The following CNOT4 variants were observed in gnomAD, a reference collection of about 807,000 sequenced individuals.
The protein encoded by CNOT4 is CCR4-NOT transcription complex subunit 4, also known as CCR4-associated factor 4.
Under a neutral mutation model 73.8 loss-of-function variants are expected in CNOT4, and 8 were observed. The ratio of observed to expected loss-of-function variants is 0.11; its 90% CI spans 0.06 to 0.20. The LOEUF is 0.20. Among genes scored for constraint, CNOT4 ranks in the 10% least tolerant of loss-of-function variants. CNOT4 has a pLI of 1.00. For missense variants in CNOT4, 564 were observed against 883.4 expected, an observed-to-expected ratio of 0.64 and a Z score of 4.58; for synonymous variants, 293 against 321.1, an observed-to-expected ratio of 0.91 and a Z score of 0.94.
Position 135,398,212 on chromosome 7 carries a change from G to T in CNOT4, c.836C>A (p.Pro279His). 6.5e-7 allele frequency: 1 copy of T among 1,538,142 alleles called. No homozygotes were observed. The highest frequency in any genetic ancestry group is 9.0e-7 in the Non-Finnish European group (1 of 1,111,672). Residue 279 changes from proline (P) to histidine (H), a missense_variant, in exon 8 of 12, where the codon CCT becomes CAT. This residue lies in a region of CNOT4 where 135 missense variants were observed against 154.0 expected (regional missense o/e 0.88). Coordinates refer to ENST00000541284, the MANE Select transcript of CNOT4 (RefSeq NM_001190850.2). ...GTTCCCTATACTGAGAGAATCTGAA[G>T]GTTTGTCAATGGGGCTATAAAAAGA... Reference protein sequence around the residue: ...LQRYDTPIDKPSDSLSIGNGD... With the variant: ...LQRYDTPIDKHSDSLSIGNGD...
intron 7 of CNOT4, among the ~76,000 whole-genome samples, chr7:135,406,299 C>T (rs575896518): frequency 1.9e-5 from 2 of 106,436 alleles, no homozygotes; most frequent in East Asian, 7.0e-4. Context: ...ACATCCCCAC[C>T]CCCCACCCTC....
Position 135,398,176 on chromosome 7 carries a change from G to T in CNOT4, c.872C>A (p.Ser291Tyr). 6.5e-7 allele frequency: 1 copy of T among 1,530,968 alleles called. No homozygotes were observed. The highest frequency in any genetic ancestry group is 9.0e-7 in the Non-Finnish European group (1 of 1,105,540). 94.8% of individuals were successfully genotyped at this position (1,530,968 alleles called of 1,614,324 possible). A position where few individuals can be genotyped will look rare whatever the true frequency, so the allele number is the denominator to read the frequency against. ...ACTGTATTCAAATCTTACCTGCTGG[G>T]AATTATCACCGTTCCCTATACTGAG... ...DSLSIGNGDN[S>Y]QQISNSDTPS... Residue 291 changes from serine (S) to tyrosine (Y), a missense_variant, in exon 8 of 12, where the codon TCC becomes TAC. Coordinates refer to ENST00000541284, the MANE Select transcript of CNOT4 (RefSeq NM_001190850.2).
chr7:135,378,010 T>C (rs1337495241), intron 10 of CNOT4, among the ~76,000 whole-genome samples: 1 of 152,236 alleles, frequency 6.6e-6, no homozygotes, highest in African/African-American at 2.4e-5. Flanking sequence ...ACTCTGAATT[T>C]TAGTCATATT....
chr7:135,439,985 A>G (rs1799376292), intron 1 of CNOT4, among the ~76,000 whole-genome samples: 1 of 151,966 alleles, frequency 6.6e-6, no homozygotes, highest in Admixed American at 6.6e-5. Context: ...TTGAAGTGTT[A>G]AAGAAAAAAA....
intron 1 of CNOT4, among the ~76,000 whole-genome samples, chr7:135,464,731 A>C (rs146823485): frequency 6.6e-6 from 1 of 152,120 alleles, no homozygotes; most frequent in East Asian, 1.9e-4. Context: ...ACATTCTATA[A>C]TACTATTAAA....
At chr7:135,464,743 T>C (rs1801114233) in intron 1 of CNOT4, among the ~76,000 whole-genome samples, 1 of 151,798 alleles carries the variant, frequency 6.6e-6, no homozygotes, top group South Asian at 2.1e-4. Flanking sequence ...ACTATTAAAT[T>C]TTAAAATAAA....
chr7:135,504,496 A>ATTTTTT (rs1309119708), intron 1 of CNOT4, among the ~76,000 whole-genome samples: 2 of 54,418 alleles, frequency 3.7e-5, no homozygotes, highest in South Asian at 5.4e-4. Context: ...TTTTATTTTT[A>ATTTTTT]TTTTTTTTGA....
chr7:135,390,987 T>C (rs1054812881), intron 10 of CNOT4, among the ~76,000 whole-genome samples: 1 of 152,116 alleles, frequency 6.6e-6, no homozygotes, highest in African/African-American at 2.4e-5. Flanking sequence ...CTGTGTAAGG[T>C]ATCATGATAA....
chr7:135,471,144 G>A (rs995173487), intron 1 of CNOT4, among the ~76,000 whole-genome samples: 7 of 152,160 alleles, frequency 4.6e-5, no homozygotes, highest in Non-Finnish European at 7.4e-5. Flanking sequence ...AGAAAAGGTA[G>A]TCTTTTAGAA....
At chr7:135,476,778 C>G (rs888667131) in intron 1 of CNOT4, among the ~76,000 whole-genome samples, 7 of 152,160 alleles carry the variant, frequency 4.6e-5, no homozygotes, top group Non-Finnish European at 1.0e-4. Context: ...TCCAGACCAG[C>G]CTGGGCAATA....
chr7:135,496,631 C>CCTCTCT (rs112838755), intron 1 of CNOT4, among the ~76,000 whole-genome samples: 5 of 148,484 alleles, frequency 3.4e-5, no homozygotes, highest in African/African-American at 9.9e-5. Context: ...TCTTCCTATT[C>CCTCTCT]CTCTCTCTCT....
chr7:135,450,781 C>T (rs1227526501), intron 1 of CNOT4, among the ~76,000 whole-genome samples: 2 of 152,080 alleles, frequency 1.3e-5, no homozygotes, highest in Non-Finnish European at 2.9e-5. Flanking sequence ...GATAAAATGT[C>T]TATTGGGAGG....
rs190515886 is a variant in CNOT4 at position 135,440,414 on chromosome 7, C to T, written c.-92-1991G>A. Reference sequence around the variant, plus strand: ...GAAGTAGAGAGGATCAATGATCTAGCGCCTCTTTCAAAAGAGGAAATGGGA... The same window carrying T: ...GAAGTAGAGAGGATCAATGATCTAGTGCCTCTTTCAAAAGAGGAAATGGGA... On this transcript the variant is annotated intron_variant, in intron 1 of 11. Coordinates refer to ENST00000541284, the MANE Select transcript of CNOT4 (RefSeq NM_001190850.2). Among the ~76,000 whole-genome samples the T allele has an allele frequency of 2.2e-4, 34 of 151,492 alleles. No homozygotes were observed. The East Asian group carries it at 5.6e-3, about 25-fold the overall frequency.
At chr7:135,365,894 A>G (rs966147735) in intron 10 of CNOT4, among the ~76,000 whole-genome samples, 1 of 152,228 alleles carries the variant, frequency 6.6e-6, no homozygotes, top group Non-Finnish European at 1.5e-5. Context: ...GATCATAAAT[A>G]TAAGTCCTAG....
chr7:135,400,367 C>T (rs1435997722), intron 7 of CNOT4, among the ~76,000 whole-genome samples: 1 of 151,980 alleles, frequency 6.6e-6, no homozygotes, highest in Non-Finnish European at 1.5e-5. Flanking sequence ...CCGAGATAAA[C>T]TTGCACTATA....
chr7:135,474,735 A>G (rs1801888109), intron 1 of CNOT4, among the ~76,000 whole-genome samples: 1 of 152,228 alleles, frequency 6.6e-6, no homozygotes, highest in Non-Finnish European at 1.5e-5. Flanking sequence ...AAATGAAAGA[A>G]AATTCACAAG....
At chr7:135,453,989 C>CATATATATATATATATATATAT (rs371504271) in intron 1 of CNOT4, among the ~76,000 whole-genome samples, 3 of 134,012 alleles carry the variant, frequency 2.2e-5, no homozygotes, top group African/African-American at 8.2e-5. Flanking sequence ...AATATATATA[C>CATATATATATATATATATATAT]ATATATATAT....
Position 135,395,628 on chromosome 7 carries a change from A to G in CNOT4, c.1129+6T>C. On this transcript the variant is annotated splice_donor_region_variant and intron_variant, in intron 9 of 11. Coordinates refer to ENST00000541284, the MANE Select transcript of CNOT4 (RefSeq NM_001190850.2). ...ATTACTAATACTTGGTACTATTGTT[A>G]TATACCTGATGTGAAGAGGCTCTGT... The G allele has an allele frequency of 6.2e-7, 1 of 1,613,122 alleles. No individual in the cohort carries two copies. Among genetic ancestry groups the G allele is most frequent in the Non-Finnish European group, 8.5e-7 (1 of 1,179,356 alleles).
chr7:135,444,144 AAATAAT>A lies in CNOT4; in HGVS notation c.-92-5727_-92-5722del, dbSNP rs140965410. ...GGAGACAGTGAAACCCTGTTTCAAA[AAATAAT>A]AATAATAATAATAATAATAATAATA... On this transcript the variant is annotated intron_variant, in intron 1 of 11. Transcript: ENST00000541284. Among the ~76,000 whole-genome samples, 267 of 149,510 alleles carry A rather than the reference AAATAAT, an allele frequency of 1.8e-3. 2 individuals carry two copies. Among genetic ancestry groups the A allele is most frequent in the African/African-American group, 5.8e-3 (235 of 40,656 alleles).
Sources: allele counts gnomAD v4.1 joint callset (sites outside exome capture counted in the v4.1 genomes callset), GRCh38; gene constraint gnomAD v4.1.1; regional missense constraint gnomAD v4.1.1; transcripts MANE v1.5; gene names NCBI Gene and HGNC (gene_info 2026-07-23, HGNC 2026-07-21).